The following SFRP1 variants were observed in gnomAD, a reference collection of about 807,000 sequenced individuals.
SFRP1 encodes secreted frizzled-related protein 1.
SFRP1 carries 9 observed loss-of-function variants against 25.9 expected under a neutral mutation model. The ratio of observed to expected loss-of-function variants is 0.35; its 90% confidence interval spans 0.21 to 0.61. The LOEUF (loss-of-function observed/expected upper bound fraction) is 0.61, where lower values mean the gene tolerates loss of function less well. Ranked by LOEUF, SFRP1 falls within the 20% of genes least tolerant of loss-of-function variation. The probability of loss-of-function intolerance (pLI) is 0.78; values close to 1 mark genes in which losing one functional copy is unlikely to be tolerated. For synonymous variants in SFRP1, 178 were observed against 174.0 expected, an observed-to-expected ratio of 1.02 and a Z score of -0.18; for missense variants, 346 against 418.2, an observed-to-expected ratio of 0.83 and a Z score of 1.51.
rs1274519765 is a variant in SFRP1, at chr8:41,309,332, G to C, written c.-173C>G. 1.4e-6 allele frequency: 1 copy of C among 736,636 alleles called. No homozygotes were observed. Among genetic ancestry groups the C allele is most frequent in the Non-Finnish European group, 1.8e-6 (1 of 555,012 alleles). The allele number at this position is 736,636 out of a possible 1,614,324, so 45.6% of individuals were successfully genotyped here. On this transcript the variant is annotated 5_prime_UTR_variant, in exon 1 of 3. Coordinates refer to ENST00000220772, the MANE Select transcript of SFRP1 (RefSeq NM_003012.5). ...GTCCCCCCGGCCAGTGGCGGCCCTC[G>C]GCCTGCGGTCGGAGGCGGCGCGGGC...
chr8:41,309,346 G>T lies in SFRP1; in HGVS notation c.-187C>A. 1.9e-6 allele frequency: 1 copy of T among 520,036 alleles called. No homozygotes were observed. The highest frequency in any genetic ancestry group is 2.7e-6 in the Non-Finnish European group (1 of 367,568). The allele number at this position is 520,036 out of a possible 1,614,324, so 32.2% of individuals were successfully genotyped here. ...TGGCGGCCCTCGGCCTGCGGTCGGA[G>T]GCGGCGCGGGCGGGGAGGCGGCGCT... On this transcript the variant is annotated 5_prime_UTR_variant, in exon 1 of 3. Coordinates refer to ENST00000220772, the MANE Select transcript of SFRP1 (RefSeq NM_003012.5).
intron 2 of SFRP1, among the ~76,000 whole-genome samples, chr8:41,295,018 G>GT (rs1803824989): frequency 6.6e-6 from 1 of 152,150 alleles, no homozygotes; most frequent in Non-Finnish European, 1.5e-5. Flanking sequence ...GGCTGGGACT[G>GT]TAAGAACAAG....
chr8:41,305,282 G>A (rs990004999), intron 1 of SFRP1, among the ~76,000 whole-genome samples: 4 of 152,204 alleles, frequency 2.6e-5, no homozygotes, highest in South Asian at 2.1e-4. Context: ...ATCTCTGCCC[G>A]CTCCACACAC....
At chr8:41,308,530 C>T (rs112164222) in intron 1 of SFRP1, 86 bp downstream of exon 1, 1 of 1,113,206 alleles carries the variant, frequency 9.0e-7, no homozygotes, top group South Asian at 1.6e-5. Flanking sequence ...CAGCGGCGGG[C>T]GGGCGTAGGG....
chr8:41,290,875 CTCTTCCTCGTCTTTTTTTTTTTTTTTTT>C (rs1803767969), intron 2 of SFRP1, among the ~76,000 whole-genome samples: 1 of 123,616 alleles, frequency 8.1e-6, no homozygotes, highest in Non-Finnish European at 1.6e-5. Flanking sequence ...TCTTCTCCTC[CTCTTCCTCGTCTTTTTTTTTTTTTTTTT>C]TTTTTTTTTT....
intron 2 of SFRP1, among the ~76,000 whole-genome samples, chr8:41,267,052 T>C (rs1020685917): frequency 2.6e-5 from 4 of 152,054 alleles, no homozygotes; most frequent in Non-Finnish European, 5.9e-5. Context: ...TTCTGCCAAC[T>C]GAGAAGACCT....
In SFRP1 at chr8:41,265,688, A is replaced by G. The variant is rs1277456653; in HGVS notation, c.623-199T>C. On this transcript the variant is annotated intron_variant, in intron 2 of 2. Coordinates refer to ENST00000220772, the MANE Select transcript of SFRP1 (RefSeq NM_003012.5). ...AGAGTTGGTTTCATGGGTATACTGC[A>G]TGATGCTGAGGTTTGGGCTTCTAAT... Among the ~76,000 whole-genome samples, 5 of 152,086 alleles carry G rather than the reference A, an allele frequency of 3.3e-5. No individual in the cohort carries two copies. In the East Asian group the frequency reaches 9.7e-4, roughly 29 times the overall value.
chr8:41,283,607 TTC>T (rs1803662782), intron 2 of SFRP1, among the ~76,000 whole-genome samples: 1 of 150,132 alleles, frequency 6.7e-6, no homozygotes, highest in Non-Finnish European at 1.5e-5. Flanking sequence ...TTGAGACAGT[TTC>T]TCTCTGTCAC....
chr8:41,289,568 T>G (rs1167218780), intron 2 of SFRP1, among the ~76,000 whole-genome samples: 1 of 152,168 alleles, frequency 6.6e-6, no homozygotes, highest in African/African-American at 2.4e-5. Flanking sequence ...AGGCTACACG[T>G]GTTCTTTCCA....
Position 41,309,183 on chromosome 8 carries a change from G to A in SFRP1, c.-24C>T, listed in dbSNP as rs1054066245. On this transcript the variant is annotated 5_prime_UTR_variant, in exon 1 of 3. Transcript: ENST00000220772. Reference sequence around the variant, plus strand: ...ATGCCGGCTCTGCGCCCTGTTCTCCGCGACGTCGGGGCTGCCTCCGCCGCC... The same window carrying A: ...ATGCCGGCTCTGCGCCCTGTTCTCCACGACGTCGGGGCTGCCTCCGCCGCC... 3 of 1,298,856 alleles carry A rather than the reference G, an allele frequency of 2.3e-6. No individual in the cohort carries two copies. The highest frequency in any genetic ancestry group is 3.1e-5 in the African/African-American group (2 of 64,396). 80.5% of individuals were successfully genotyped at this position (1,298,856 alleles called of 1,614,324 possible). A position where few individuals can be genotyped will look rare whatever the true frequency, so the allele number is the denominator to read the frequency against.
Position 41,309,128 on chromosome 8 carries a change from C to T in SFRP1, c.32G>A (p.Arg11His), listed in dbSNP as rs762804035. The change falls in exon 1 of 3, where the codon CGC becomes CAC. Residue 11 changes from arginine (R) to histidine (H), a missense_variant. Arg to His is a conservative substitution (Grantham distance 29). Coordinates refer to ENST00000220772, the MANE Select transcript of SFRP1 (RefSeq NM_003012.5). Reference sequence around the variant, plus strand: ...CAGCAGCACGCCCAGGGCTGCCCCGCGGCGGCCCCCCTCGCTGCGCCCGAT... The same window carrying T: ...CAGCAGCACGCCCAGGGCTGCCCCGTGGCGGCCCCCCTCGCTGCGCCCGAT... MGIGRSEGGR[R>H]GAALGVLLAL... 2.8e-6 allele frequency: 4 copies of T among 1,450,308 alleles called. No homozygotes were observed. In the South Asian group the frequency reaches 4.2e-5, roughly 15 times the overall value. The allele number at this position is 1,450,308 out of a possible 1,614,324, so 89.8% of individuals were successfully genotyped here.
intron 1 of SFRP1, 62 bp downstream of exon 1, chr8:41,308,554 C>T: frequency 7.3e-7 from 1 of 1,375,302 alleles, no homozygotes; most frequent in Non-Finnish European, 9.9e-7. Flanking sequence ...CGCGGGTTCT[C>T]CTGCAGCTCC....
chr8:41,286,500 G>C (rs947629102), intron 2 of SFRP1, among the ~76,000 whole-genome samples: 1 of 151,054 alleles, frequency 6.6e-6, no homozygotes, highest in Admixed American at 6.6e-5. Flanking sequence ...TAAAGGAAGC[G>C]GGGCGGGGGG....
intron 2 of SFRP1, among the ~76,000 whole-genome samples, chr8:41,281,034 G>C (rs1052147686): frequency 9.9e-5 from 15 of 152,254 alleles, no homozygotes; most frequent in African/African-American, 3.6e-4. Flanking sequence ...GGCCAAGGCT[G>C]AGCCCTGTGG....
chr8:41,271,028 A>T (rs1006161655), intron 2 of SFRP1: 1 of 154,064 alleles, frequency 6.5e-6, no homozygotes, highest in Non-Finnish European at 1.5e-5. Flanking sequence ...GTGTCAGAGG[A>T]TTGAGTGGTT....
intron 2 of SFRP1, chr8:41,275,341 A>G (rs1803559426): frequency 3.1e-6 from 1 of 323,688 alleles, no homozygotes. Flanking sequence ...TTAAAAAAAA[A>G]AAAAAAAAAA....
chr8:41,308,300 G>T (rs1158887867), intron 1 of SFRP1, among the ~76,000 whole-genome samples: 1 of 152,264 alleles, frequency 6.6e-6, no homozygotes, highest in Non-Finnish European at 1.5e-5. Context: ...TTTGTTTCAG[G>T]TATGGGAAAG....
At chr8:41,267,713 A>G (rs933598294) in intron 2 of SFRP1, among the ~76,000 whole-genome samples, 1 of 152,222 alleles carries the variant, frequency 6.6e-6, no homozygotes. Context: ...CTAATAGATG[A>G]GAAAACTGAG....
chr8:41,301,278 T>G (rs1314787857), intron 2 of SFRP1, among the ~76,000 whole-genome samples: 1 of 152,204 alleles, frequency 6.6e-6, no homozygotes, highest in African/African-American at 2.4e-5. Context: ...CTCTGCTGTG[T>G]GTCAGCTTGC....
Sources: allele counts gnomAD v4.1 joint callset (sites outside exome capture counted in the v4.1 genomes callset), GRCh38; gene constraint gnomAD v4.1.1; transcripts MANE v1.5; gene names NCBI Gene and HGNC (gene_info 2026-07-23, HGNC 2026-07-21).